The following EPHA6 variants were observed in gnomAD, a reference collection of about 807,000 sequenced individuals.
EPHA6 encodes the protein ephrin type-A receptor 6.
A neutral mutation model predicts 112.0 loss-of-function variants in EPHA6; 50 were observed. That is an observed-to-expected ratio of 0.45 (90% CI 0.36 to 0.56). The LOEUF (loss-of-function observed/expected upper bound fraction) is 0.56, where lower values mean the gene tolerates loss of function less well. Among genes scored for constraint, EPHA6 ranks in the 20% least tolerant of loss-of-function variants. The probability of loss-of-function intolerance (pLI) is 0.00; values close to 1 mark genes in which losing one functional copy is unlikely to be tolerated. For synonymous variants in EPHA6, 529 were observed against 490.7 expected (o/e 1.08, Z -1.03); for missense variants, 1,280 against 1,417.4 (o/e 0.90, Z 1.56).
chr3:96,960,945 A>G (rs2041929350), intron 2 of EPHA6, among the ~76,000 whole-genome samples: 1 of 152,182 alleles, frequency 6.6e-6, no homozygotes, highest in South Asian at 2.1e-4. Context: ...ATTCCCAAGC[A>G]TGGTTTCACA....
At chr3:97,493,516 A>G (rs2091902762) in intron 10 of EPHA6, among the ~76,000 whole-genome samples, 1 of 152,142 alleles carries the variant, frequency 6.6e-6, no homozygotes, top group Non-Finnish European at 1.5e-5. Flanking sequence ...TCCCGCTCTG[A>G]AAACCTCATT....
chr3:97,688,398 A>G (rs2032409105), intron 14 of EPHA6, among the ~76,000 whole-genome samples: 1 of 152,126 alleles, frequency 6.6e-6, no homozygotes, highest in Non-Finnish European at 1.5e-5. Flanking sequence ...CACTTTTGTT[A>G]AAAGTAACAT....
chr3:96,994,732 T>TATATATATAGAGAGAGAGAGAG (rs1170197805), intron 3 of EPHA6, among the ~76,000 whole-genome samples: 32 of 82,192 alleles, frequency 3.9e-4, no homozygotes, highest in African/African-American at 1.9e-3. Flanking sequence ...TATATATATA[T>TATATATATAGAGAGAGAGAGAG]AGAGAGAGAG....
chr3:97,379,974 A>T (rs563183972), intron 5 of EPHA6, among the ~76,000 whole-genome samples: 1 of 152,204 alleles, frequency 6.6e-6, no homozygotes, highest in East Asian at 1.9e-4. Context: ...TGGCAGACAA[A>T]TTTGCAAAGC....
intron 14 of EPHA6, among the ~76,000 whole-genome samples, chr3:97,666,887 C>A (rs2030183199): frequency 6.6e-6 from 1 of 152,150 alleles, no homozygotes; most frequent in African/African-American, 2.4e-5. Flanking sequence ...ATAAATATTT[C>A]TTCTTCAGCT....
At chr3:97,060,661 CA>C (rs1161548312) in intron 3 of EPHA6, among the ~76,000 whole-genome samples, 19 of 151,940 alleles carry the variant, frequency 1.3e-4, no homozygotes, top group African/African-American at 4.4e-4. Context: ...CCTGTAATCC[CA>C]GCACTTTGGG....
At chr3:97,507,006 C>G (rs966901573) in intron 10 of EPHA6, among the ~76,000 whole-genome samples, 1 of 152,098 alleles carries the variant, frequency 6.6e-6, no homozygotes, top group African/African-American at 2.4e-5. Context: ...GATTTTTGCA[C>G]ATTGATTTTG....
At chr3:97,554,227 T>C (rs1164679203) in intron 11 of EPHA6, among the ~76,000 whole-genome samples, 2 of 152,142 alleles carry the variant, frequency 1.3e-5, no homozygotes, top group Non-Finnish European at 2.9e-5. Flanking sequence ...AAACCTGCTG[T>C]TAAAATTATT....
At chr3:97,239,017 C>T (rs2078764044) in intron 4 of EPHA6, among the ~76,000 whole-genome samples, 1 of 151,842 alleles carries the variant, frequency 6.6e-6, no homozygotes, top group Non-Finnish European at 1.5e-5. Context: ...ATTGATGGGA[C>T]TATGAAAACA....
chr3:97,425,606 G>A (rs191463387), intron 6 of EPHA6, among the ~76,000 whole-genome samples: 33 of 152,290 alleles, frequency 2.2e-4, no homozygotes, highest in African/African-American at 4.8e-4. Context: ...AGGGACTGCC[G>A]GGAAGATCTC....
At chr3:97,000,262 AAC>A (rs368625563) in intron 3 of EPHA6, among the ~76,000 whole-genome samples, 6,805 of 140,290 alleles carry the variant, frequency 0.049, 192 homozygotes, top group South Asian at 0.082. Context: ...TGTATGTATA[AAC>A]ACACACACAC....
chr3:97,684,817 T>C (rs764362018), intron 14 of EPHA6, among the ~76,000 whole-genome samples: 1 of 152,114 alleles, frequency 6.6e-6, no homozygotes, highest in East Asian at 1.9e-4. Flanking sequence ...ATACGTAAAA[T>C]TGTAAGCAGA....
intron 3 of EPHA6, among the ~76,000 whole-genome samples, chr3:97,211,751 T>C (rs2077883009): frequency 6.6e-6 from 1 of 152,172 alleles, no homozygotes; most frequent in African/African-American, 2.4e-5. Flanking sequence ...ATAACACCTA[T>C]TCTACAGAAG....
chr3:97,278,952 C>T (rs1218562323), intron 5 of EPHA6, among the ~76,000 whole-genome samples: 1 of 152,146 alleles, frequency 6.6e-6, no homozygotes, highest in African/African-American at 2.4e-5. Context: ...TATTCCCACA[C>T]AAGGTAATAA....
chr3:97,735,278 G>A (rs991579038), intron 15 of EPHA6, among the ~76,000 whole-genome samples: 4 of 152,156 alleles, frequency 2.6e-5, no homozygotes, highest in African/African-American at 7.2e-5. Context: ...GGACACTCAA[G>A]CTAATGCTCC....
intron 14 of EPHA6, among the ~76,000 whole-genome samples, chr3:97,680,159 C>T (rs2031743737): frequency 2.0e-5 from 3 of 152,150 alleles, no homozygotes; most frequent in African/African-American, 7.2e-5. Flanking sequence ...CTGCAAACAA[C>T]TCAAATACAA....
At chr3:97,327,481 A>ATG (rs1405902059) in intron 5 of EPHA6, among the ~76,000 whole-genome samples, 1 of 151,684 alleles carries the variant, frequency 6.6e-6, no homozygotes, top group Non-Finnish European at 1.5e-5. Context: ...CCTCATTTAT[A>ATG]TGTGTGTGTG....
intron 14 of EPHA6, among the ~76,000 whole-genome samples, chr3:97,641,530 C>T (rs531529981): frequency 1.4e-4 from 22 of 152,238 alleles, no homozygotes; most frequent in African/African-American, 5.1e-4. Flanking sequence ...TCTGAGGTAC[C>T]GGGTTCATCT....
At chr3:96,925,227 C>A (rs2039971963) in intron 2 of EPHA6, among the ~76,000 whole-genome samples, 1 of 152,096 alleles carries the variant, frequency 6.6e-6, no homozygotes, top group Admixed American at 6.6e-5. Flanking sequence ...AATGTTACAG[C>A]TCTTTTTTGT....
Sources: gnomAD v4.1 joint callset for allele counts (sites outside exome capture counted in the v4.1 genomes callset) on GRCh38, gnomAD v4.1.1 for gene constraint, MANE v1.5 for transcripts, NCBI Gene and HGNC (gene_info 2026-07-23, HGNC 2026-07-21) for gene names.